Variants in C22orf31 observed in about 807,000 individuals in gnomAD.
C22orf31 encodes chromosome 22 open reading frame 31.
Under a neutral mutation model 15.0 loss-of-function variants are expected in C22orf31, and 11 were observed. The ratio of observed to expected loss-of-function variants is 0.73; its 90% confidence interval spans 0.46 to 1.21. The LOEUF is 1.21. C22orf31 is among the 50% of genes most tolerant of loss of function. The pLI is 0.00. For missense variants in C22orf31, 340 were observed against 347.2 expected, an observed-to-expected ratio of 0.98 and a Z score of 0.17; for synonymous variants, 132 against 133.3, an observed-to-expected ratio of 0.99 and a Z score of 0.07.
chr22:29,073,724 T>C, the C22orf31 span, among the ~76,000 whole-genome samples: 1 of 138,122 alleles, frequency 7.2e-6, no homozygotes, highest in Non-Finnish European at 1.6e-5. The surrounding 1 kb of genome is among the most constrained non-coding windows in gnomAD (Gnocchi z 4.4). Context: ...CGTCCCAAAA[T>C]CCCCAGCGAC....
chr22:29,072,958 C>T, the C22orf31 span: 1 of 151,154 alleles, frequency 6.6e-6, no homozygotes, highest in Non-Finnish European at 1.5e-5. Context: ...CCGGGCGGGC[C>T]CCAGGCTGCA....
chr22:29,073,909 G>A, the C22orf31 span, among the ~76,000 whole-genome samples: 4 of 151,966 alleles, frequency 2.6e-5, no homozygotes, highest in African/African-American at 9.7e-5. The surrounding 1 kb of genome is among the most constrained non-coding windows in gnomAD (Gnocchi z 4.4). Context: ...GCTACAAGAG[G>A]CTATACGCCC....
At chr22:29,059,781 T>TGC (rs1380452498) in intron 2 of C22orf31, 1 of 984,770 alleles carries the variant, frequency 1.0e-6, no homozygotes, top group Non-Finnish European at 1.2e-6. Context: ...TGTGTGTGTG[T>TGC]GCACAAGCAT....
the C22orf31 span, among the ~76,000 whole-genome samples, chr22:29,073,800 C>A: frequency 6.6e-6 from 1 of 152,042 alleles, no homozygotes; most frequent in Non-Finnish European, 1.5e-5. This position sits in a 1 kb window ranked among gnomAD's most constrained non-coding sequence, Gnocchi z 4.4. Context: ...AAGTCCCCAG[C>A]GACCCCTCCC....
the C22orf31 span, among the ~76,000 whole-genome samples, chr22:29,067,328 A>G: frequency 1.3e-5 from 2 of 151,848 alleles, no homozygotes; most frequent in East Asian, 3.9e-4. Flanking sequence ...CCTGAGGCAC[A>G]TACTTCACTT....
At chr22:29,069,874 G>T in the C22orf31 span, among the ~76,000 whole-genome samples, 1 of 151,764 alleles carries the variant, frequency 6.6e-6, no homozygotes. Flanking sequence ...ATCAACATAG[G>T]CCCCCTTGCT....
chr22:29,065,763 C>T (rs2037425000), upstream of C22orf31, among the ~76,000 whole-genome samples: 2 of 152,200 alleles, frequency 1.3e-5, no homozygotes. Context: ...GTACTAAAAC[C>T]ATGGCAAGAG....
the C22orf31 span, among the ~76,000 whole-genome samples, chr22:29,072,189 G>A: frequency 4.6e-5 from 7 of 152,138 alleles, no homozygotes; most frequent in Non-Finnish European, 8.8e-5. Flanking sequence ...CTGTCACCCA[G>A]GCTGGAGTGC....
At chr22:29,071,233 G>A in the C22orf31 span, among the ~76,000 whole-genome samples, 114,083 of 151,992 alleles carry the variant, frequency 0.75, 43,417 homozygotes, top group African/African-American at 0.87. Context: ...TCCAATAAGA[G>A]GCCCAGAGGA....
chr22:29,070,038 C>A, the C22orf31 span, among the ~76,000 whole-genome samples: 1 of 150,626 alleles, frequency 6.6e-6, no homozygotes, highest in African/African-American at 2.4e-5. Context: ...CTCCACCTCC[C>A]AGGTTCAAGC....
chr22:29,060,331 A>C (rs1210578412), intron 2 of C22orf31, 84 bp downstream of exon 2: 2 of 1,281,492 alleles, frequency 1.6e-6, no homozygotes, highest in East Asian at 4.6e-5. Context: ...CACGCCATAT[A>C]ATCTCAACCG....
upstream of C22orf31, among the ~76,000 whole-genome samples, chr22:29,062,287 A>G (rs2037398853): frequency 6.6e-6 from 1 of 152,158 alleles, no homozygotes; most frequent in African/African-American, 2.4e-5. Context: ...CTTCATGTAC[A>G]TAAAGGAGGC....
Position 29,059,199 on chromosome 22 carries a change from C to T in C22orf31, c.433-17G>A. On this transcript the variant is annotated splice_polypyrimidine_tract_variant and intron_variant, in intron 2 of 2. Coordinates refer to ENST00000216071, the MANE Select transcript of C22orf31 (RefSeq NM_015370.2). ...TTCTTTACTCTAGCCAGGAAGAAAG[C>T]AGAGAAGTCAAAGCTAAAACTTGAG... 1 of 1,557,764 alleles carries T rather than the reference C, an allele frequency of 6.4e-7. No individual in the cohort carries two copies. Among genetic ancestry groups the T allele is most frequent in the Non-Finnish European group, 8.7e-7 (1 of 1,152,948 alleles).
rs371498415 is a variant in C22orf31 at position 29,060,691 on chromosome 22, A to G, written c.156T>C (p.Asn52=). 9.9e-6 allele frequency: 16 copies of G among 1,614,054 alleles called. No homozygotes were observed. Among genetic ancestry groups the G allele is most frequent in the Non-Finnish European group, 1.3e-5 (15 of 1,180,050 alleles). Residue 52 remains asparagine (N), a synonymous_variant, in exon 2 of 3, where the codon AAT becomes AAC. Transcript: ENST00000216071. The part of the protein sequence containing the change: ...MARTCAKQNI[N]APAPATTSSW... ...AGGAAGTGGTAGCTGGTGCTGGGGCATTAATGTTCTGCTTTGCACATGTTC... is the reference window on the plus strand; with the variant it reads ...AGGAAGTGGTAGCTGGTGCTGGGGCGTTAATGTTCTGCTTTGCACATGTTC...
At position 29,058,930 on chromosome 22, in the gene C22orf31, A is replaced by G. The variant is rs756600462; in HGVS notation, c.685T>C (p.Ser229Pro). 1 of 1,614,030 alleles carries G rather than the reference A, an allele frequency of 6.2e-7. No individual in the cohort carries two copies. Among genetic ancestry groups the G allele is most frequent in the Non-Finnish European group, 8.5e-7 (1 of 1,180,034 alleles). ...AGGCTGTACCTCTTGGGGGTCCCTG[A>G]AGGATTCCACAGCATTGGCTCCACC... ...AVVEPMLWNP[S>P]GTPKRYSLEL... The change falls in exon 3 of 3, where the codon TCA (serine) becomes CCA (proline). Residue 229 changes from serine to proline, a missense_variant. Coordinates refer to ENST00000216071, the MANE Select transcript of C22orf31 (RefSeq NM_015370.2).
rs186685575 is a variant in C22orf31 at position 29,061,562 on chromosome 22, G to A, written c.3+228C>T. Among the ~76,000 whole-genome samples the A allele has an allele frequency of 4.9e-4, 74 of 152,168 alleles. No homozygotes were observed. The East Asian group carries it at 0.011, about 22-fold the overall frequency. ...ATTACCAGCATGAGCCACCATGTTC[G>A]GCTGAATACACTTTCTAACCAACTG... On this transcript the variant is annotated intron_variant, in intron 1 of 2. Transcript: ENST00000216071.
chr22:29,071,497 G>C, the C22orf31 span, among the ~76,000 whole-genome samples: 1 of 152,156 alleles, frequency 6.6e-6, no homozygotes, highest in South Asian at 2.1e-4. Flanking sequence ...AAGGCGTGCC[G>C]GTCCCGCCCA....
At chr22:29,066,659 C>A (rs952650000), upstream of C22orf31, among the ~76,000 whole-genome samples, 2 of 142,984 alleles carry the variant, frequency 1.4e-5, no homozygotes, top group Non-Finnish European at 3.0e-5. Context: ...CTCCTGGGTT[C>A]AAGCAATTCT....
the C22orf31 span, among the ~76,000 whole-genome samples, chr22:29,068,296 G>T: frequency 6.6e-6 from 1 of 151,732 alleles, no homozygotes; most frequent in African/African-American, 2.4e-5. Context: ...CACCATGTTG[G>T]CCAGGCTGGT....
Sources: gnomAD v4.1 joint callset for allele counts (sites outside exome capture counted in the v4.1 genomes callset) on GRCh38, gnomAD v4.1.1 for gene constraint, Gnocchi (gnomAD v3.1) non-coding constraint, MANE v1.5 for transcripts, NCBI Gene and HGNC (gene_info 2026-07-23, HGNC 2026-07-21) for gene names.